Variants in MAF observed in about 807,000 individuals in gnomAD.
MAF encodes transcription factor Maf.
Under a neutral mutation model 22.0 loss-of-function variants are expected in MAF, and 10 were observed. That is an observed-to-expected ratio of 0.45 (90% CI 0.28 to 0.77). MAF has a LOEUF of 0.77. Among genes scored for constraint, MAF ranks in the 30% least tolerant of loss-of-function variants. The pLI, the probability that MAF is intolerant of heterozygous loss-of-function variation, is 0.12. For missense variants in MAF, 544 were observed against 548.4 expected (o/e 0.99, Z 0.08); for synonymous variants, 337 against 255.8 (o/e 1.32, Z -3.03).
In MAF at chr16:79,599,538, T is replaced by A; in HGVS notation, c.365A>T (p.His122Leu). 1 of 1,563,012 alleles carries A rather than the reference T, an allele frequency of 6.4e-7. No homozygotes were observed. The highest frequency in any genetic ancestry group is 8.7e-7 in the Non-Finnish European group (1 of 1,154,402). The change falls in exon 1 of 2, where the codon CAC (histidine) becomes CTC (leucine). Residue 122 changes from histidine (H) to leucine (L), a missense_variant. By Grantham distance (99) the His-to-Leu change is moderately conservative. This residue lies in a region of MAF where 342 missense variants were observed against 315.5 expected (regional missense o/e 1.08). Coordinates refer to ENST00000326043, the MANE Select transcript of MAF (RefSeq NM_005360.5). The stretch of plus-strand genomic sequence containing the variant: ...GCCATCGAAGCCGCCCTGGAGCTGG[T>A]GGCTGTTGCTGATGAGCGCCTCGAC... ...DAVEALISNS[H>L]QLQGGFDGYA...
chr16:79,359,987 T>C, the MAF span, among the ~76,000 whole-genome samples: 1 of 152,090 alleles, frequency 6.6e-6, no homozygotes, highest in Non-Finnish European at 1.5e-5. Context: ...TGGGGAGTAT[T>C]GTTCTGAGTA....
the MAF span, among the ~76,000 whole-genome samples, chr16:79,252,638 C>T: frequency 3.3e-5 from 5 of 152,074 alleles, no homozygotes; most frequent in Non-Finnish European, 5.9e-5. Flanking sequence ...TATAGGCTCT[C>T]GGTACCACGC....
chr16:79,419,297 TC>T, the MAF span, among the ~76,000 whole-genome samples: 1 of 152,170 alleles, frequency 6.6e-6, no homozygotes, highest in Non-Finnish European at 1.5e-5. Context: ...ACTCGACACT[TC>T]CTTGGAACAA....
chr16:79,249,285 G>A, the MAF span, among the ~76,000 whole-genome samples: 1 of 152,098 alleles, frequency 6.6e-6, no homozygotes, highest in Non-Finnish European at 1.5e-5. Context: ...CGGATGTGGT[G>A]GTGCATGCCT....
the MAF span, among the ~76,000 whole-genome samples, chr16:79,575,347 C>T: frequency 2.0e-5 from 3 of 152,160 alleles, no homozygotes; most frequent in Non-Finnish European, 4.4e-5. Context: ...AGATATACAC[C>T]TGACTAAGAG....
the MAF span, among the ~76,000 whole-genome samples, chr16:79,448,628 T>C: frequency 6.6e-6 from 1 of 152,058 alleles, no homozygotes; most frequent in Non-Finnish European, 1.5e-5. Context: ...GGTTTCACTA[T>C]GTTGTCCAGG....
the MAF span, among the ~76,000 whole-genome samples, chr16:79,452,166 T>G: frequency 6.6e-6 from 1 of 152,244 alleles, no homozygotes; most frequent in African/African-American, 2.4e-5. Context: ...AAATATTTAC[T>G]CTTTTGTCCT....
chr16:79,545,370 G>T, the MAF span, among the ~76,000 whole-genome samples: 1 of 152,124 alleles, frequency 6.6e-6, no homozygotes, highest in Admixed American at 6.6e-5. Flanking sequence ...AAACGACAAT[G>T]CAAGGTTCCT....
At chr16:79,393,140 A>G in the MAF span, among the ~76,000 whole-genome samples, 7 of 152,206 alleles carry the variant, frequency 4.6e-5, no homozygotes, top group South Asian at 1.2e-3. Flanking sequence ...TTCAGCACTT[A>G]TTTCCTTTAC....
At chr16:79,448,907 C>T in the MAF span, among the ~76,000 whole-genome samples, 13 of 152,114 alleles carry the variant, frequency 8.5e-5, no homozygotes, top group Non-Finnish European at 1.5e-5. Flanking sequence ...TTTGGGGATG[C>T]TTCAAGCACA....
the MAF span, among the ~76,000 whole-genome samples, chr16:79,496,685 G>A: frequency 9.2e-5 from 14 of 152,192 alleles, no homozygotes; most frequent in Non-Finnish European, 2.1e-4. Context: ...TAATGCAGAT[G>A]GCAGGATCTA....
chr16:79,439,681 A>C, the MAF span, among the ~76,000 whole-genome samples: 1 of 152,224 alleles, frequency 6.6e-6, no homozygotes, highest in Non-Finnish European at 1.5e-5. Context: ...GCAAAACCAT[A>C]GACACTCACT....
At chr16:79,299,834 G>A in the MAF span, among the ~76,000 whole-genome samples, 1 of 152,194 alleles carries the variant, frequency 6.6e-6, no homozygotes, top group Admixed American at 6.5e-5. Context: ...TGTTGAATAT[G>A]ATTATTTAAA....
chr16:79,588,705 G>A (rs1399643269), intron 1 of MAF, among the ~76,000 whole-genome samples: 17 of 152,102 alleles, frequency 1.1e-4, no homozygotes, highest in African/African-American at 3.1e-4. Flanking sequence ...CAGGTGATCC[G>A]CTCACCTGGG....
At chr16:79,550,682 G>A in the MAF span, among the ~76,000 whole-genome samples, 44 of 152,248 alleles carry the variant, frequency 2.9e-4, no homozygotes, top group African/African-American at 9.6e-4. Context: ...CCATCTCACC[G>A]CCTGTTATTG....
chr16:79,494,596 G>C, the MAF span, among the ~76,000 whole-genome samples: 4 of 152,114 alleles, frequency 2.6e-5, no homozygotes, highest in Admixed American at 6.5e-5. Context: ...CATCTGCAAA[G>C]TTCCTAGGGG....
the MAF span, among the ~76,000 whole-genome samples, chr16:79,278,360 A>G: frequency 6.6e-6 from 1 of 152,236 alleles, no homozygotes; most frequent in Non-Finnish European, 1.5e-5. Context: ...TTAAAAATCA[A>G]TGCCATCTTT....
At chr16:79,452,002 T>C in the MAF span, among the ~76,000 whole-genome samples, 1 of 152,034 alleles carries the variant, frequency 6.6e-6, no homozygotes, top group Non-Finnish European at 1.5e-5. Context: ...AAGGTTGACC[T>C]GGGGCCAAAT....
At chr16:79,483,935 C>T in the MAF span, among the ~76,000 whole-genome samples, 97 of 152,268 alleles carry the variant, frequency 6.4e-4, 2 homozygotes, top group South Asian at 0.018. Flanking sequence ...GAATGTGTTA[C>T]CCCTCCTGGT....
Sources: allele counts gnomAD v4.1 joint callset (sites outside exome capture counted in the v4.1 genomes callset), GRCh38; gene constraint gnomAD v4.1.1; regional missense constraint gnomAD v4.1.1; transcripts MANE v1.5; gene names NCBI Gene and HGNC (gene_info 2026-07-23, HGNC 2026-07-21).